KCTD3: variants seen among roughly 807,000 people sequenced by gnomAD.
KCTD3 encodes BTB/POZ domain-containing protein KCTD3.
KCTD3 carries 41 observed loss-of-function variants against 85.8 expected under a neutral mutation model. That is an observed-to-expected ratio of 0.48 (90% CI 0.37 to 0.62). KCTD3 has a LOEUF of 0.62. Among genes scored for constraint, KCTD3 ranks in the 20% least tolerant of loss-of-function variants. KCTD3 has a pLI of 0.00. For missense variants in KCTD3, 724 were observed against 989.9 expected (o/e 0.73, Z 3.60); for synonymous variants, 338 against 345.4 (o/e 0.98, Z 0.24).
At chr1:215,612,038 G>A in intron 15 of KCTD3, 117 bp downstream of exon 15, 1 of 666,096 alleles carries the variant, frequency 1.5e-6, no homozygotes, top group Non-Finnish European at 2.7e-6. Context: ...TGTTGGGACA[G>A]AAGTCTGTTA....
intron 1 of KCTD3, among the ~76,000 whole-genome samples, chr1:215,570,307 A>G (rs1432455057): frequency 3.3e-5 from 5 of 151,696 alleles, no homozygotes; most frequent in Admixed American, 3.3e-4. Flanking sequence ...ACTAATTTTT[A>G]TGGTTTAATA....
intron 9 of KCTD3, among the ~76,000 whole-genome samples, chr1:215,589,791 G>A (rs1288457083): frequency 6.6e-6 from 1 of 152,106 alleles, no homozygotes; most frequent in Non-Finnish European, 1.5e-5. Context: ...TTTTATTGCT[G>A]AGTAGTATTC....
chr1:215,580,683 C>T (rs923683798), intron 8 of KCTD3, among the ~76,000 whole-genome samples: 2 of 151,652 alleles, frequency 1.3e-5, no homozygotes, highest in African/African-American at 4.8e-5. Flanking sequence ...TTGGAATATA[C>T]TAGCTTAGAT....
chr1:215,600,134 A>G (rs1170653019), intron 10 of KCTD3, among the ~76,000 whole-genome samples: 1 of 152,184 alleles, frequency 6.6e-6, no homozygotes, highest in African/African-American at 2.4e-5. Context: ...TTTTCCTGGT[A>G]TAAAATGTTT....
chr1:215,618,625 A>C (rs111382480), intron 15 of KCTD3: 1 of 305,798 alleles, frequency 3.3e-6, no homozygotes, highest in South Asian at 8.5e-5. Context: ...TTTTATGAAA[A>C]TCAACTAAAA....
chr1:215,583,993 CTAAA>C (rs1179140892), intron 8 of KCTD3, among the ~76,000 whole-genome samples: 29 of 152,274 alleles, frequency 1.9e-4, no homozygotes, highest in Admixed American at 9.8e-4. Flanking sequence ...CCCAAGTAAA[CTAAA>C]TAAGAAGGCT....
At chr1:215,595,503 T>G in intron 10 of KCTD3, 32 bp downstream of exon 10, 1 of 1,277,942 alleles carries the variant, frequency 7.8e-7, no homozygotes, top group Non-Finnish European at 1.1e-6. Context: ...GAAGTGAAAA[T>G]ATTTCTGAAA....
intron 9 of KCTD3, among the ~76,000 whole-genome samples, chr1:215,591,303 C>G (rs973628354): frequency 7.2e-6 from 1 of 138,772 alleles, no homozygotes; most frequent in Non-Finnish European, 1.6e-5. Context: ...TCCTTCCTTC[C>G]TTCCTTCCTT....
rs150444410 is a variant in KCTD3 at position 215,614,146 on chromosome 1, C to T, written c.1562+2225C>T. Among the ~76,000 whole-genome samples the T allele has an allele frequency of 8.6e-4, 128 of 149,154 alleles. 1 individual carries two copies. The South Asian group carries it at 0.01, about 12-fold the overall frequency. On this transcript the variant is annotated intron_variant, in intron 15 of 17. Coordinates refer to ENST00000259154, the MANE Select transcript of KCTD3 (RefSeq NM_016121.5). The stretch of plus-strand genomic sequence containing the variant: ...CTCCCGGGTTCACACTATTCTCCTG[C>T]GTCAGTTCCTGAGTAGCTGGGATTA...
At position 215,614,719 on chromosome 1, in the gene KCTD3, CAG is replaced by C. The variant is rs1317225149; in HGVS notation, c.1562+2802_1562+2803del. On this transcript the variant is annotated intron_variant, in intron 15 of 17. Transcript: ENST00000259154. ...GTTTATTAGATGTAGGAGCCTTTGG[CAG>C]AGACTGTGGGGTTTTCTAGGTATAG... 5.9e-5 allele frequency among the ~76,000 whole-genome samples: 9 copies of C among 152,228 alleles called. No individual in the cohort carries two copies. The South Asian group carries it at 1.2e-3, about 21-fold the overall frequency.
rs1371491253 is a variant in KCTD3 at position 215,567,553 on chromosome 1, G to A, written c.-133G>A. 2.7e-6 allele frequency: 1 copy of A among 368,690 alleles called. No homozygotes were observed. Among genetic ancestry groups the A allele is most frequent in the Non-Finnish European group, 4.5e-6 (1 of 223,252 alleles). 22.8% of individuals were successfully genotyped at this position (368,690 alleles called of 1,614,324 possible). On this transcript the variant is annotated 5_prime_UTR_variant, in exon 1 of 18. The change creates a new upstream start codon in the 5' untranslated region. Coordinates refer to ENST00000259154, the MANE Select transcript of KCTD3 (RefSeq NM_016121.5). Reference sequence around the variant, plus strand: ...CCGCCGGGAAGGTGGGGGAAGCCCCGTGCACCCCCCGCCCTCCGGCCGCCG... The same window carrying A: ...CCGCCGGGAAGGTGGGGGAAGCCCCATGCACCCCCCGCCCTCCGGCCGCCG...
intron 8 of KCTD3, among the ~76,000 whole-genome samples, chr1:215,580,706 T>G (rs1659784201): frequency 6.6e-6 from 1 of 152,178 alleles, no homozygotes; most frequent in Non-Finnish European, 1.5e-5. Context: ...TTATTTCATT[T>G]AATTGCAGAA....
intron 7 of KCTD3, among the ~76,000 whole-genome samples, chr1:215,579,665 A>G (rs1291827045): frequency 1.3e-5 from 2 of 151,876 alleles, no homozygotes; most frequent in African/African-American, 4.8e-5. Context: ...TGCCAGACTA[A>G]TTTTTTGTAT....
At chr1:215,593,839 G>T (rs1411729396) in intron 9 of KCTD3, among the ~76,000 whole-genome samples, 1 of 149,892 alleles carries the variant, frequency 6.7e-6, no homozygotes, top group Non-Finnish European at 1.5e-5. Flanking sequence ...CTATTTAAGT[G>T]CTAGAATTGG....
intron 17 of KCTD3, among the ~76,000 whole-genome samples, chr1:215,619,668 C>T (rs1248695902): frequency 6.6e-6 from 1 of 152,100 alleles, no homozygotes; most frequent in African/African-American, 2.4e-5. Flanking sequence ...TCTAGTCTTA[C>T]ATTTAAGCAT....
chr1:215,596,150 A>G (rs1474846449), intron 10 of KCTD3, among the ~76,000 whole-genome samples: 1 of 152,210 alleles, frequency 6.6e-6, no homozygotes, highest in Non-Finnish European at 1.5e-5. Flanking sequence ...GATGTGAGAA[A>G]TTAAAGGAAG....
chr1:215,574,273 A>G (rs1659486350), intron 3 of KCTD3, among the ~76,000 whole-genome samples, 155 bp downstream of exon 3: 1 of 152,166 alleles, frequency 6.6e-6, no homozygotes, highest in African/African-American at 2.4e-5. Flanking sequence ...GTAGTTTTTT[A>G]TAATCAGAGA....
chr1:215,578,074 C>T lies in KCTD3; in HGVS notation c.390C>T (p.Pro130=), dbSNP rs763895825. The part of the protein sequence containing the change: ...CGSVLFHGYL[P]PPGIPSRKIN... ...GTGTCCTTTTTCATGGTTACTTGCC[C>T]CCACCAGGTATTTTCACTTTATTAA... The change falls in exon 6 of 18, where the codon CCC becomes CCT. Residue 130 remains proline (P), a synonymous_variant. Coordinates refer to ENST00000259154, the MANE Select transcript of KCTD3 (RefSeq NM_016121.5). The T allele has an allele frequency of 3.1e-6, 5 of 1,609,784 alleles. No individual in the cohort carries two copies. The South Asian group carries it at 5.6e-5, about 18-fold the overall frequency.
chr1:215,610,180 A>G (rs1655173508), intron 14 of KCTD3, among the ~76,000 whole-genome samples: 5 of 151,864 alleles, frequency 3.3e-5, no homozygotes, highest in Admixed American at 3.3e-4. Context: ...TAAAGGTGAA[A>G]TCTACATTGT....
Sources: allele counts gnomAD v4.1 joint callset (sites outside exome capture counted in the v4.1 genomes callset), GRCh38; gene constraint gnomAD v4.1.1; transcripts MANE v1.5; gene names NCBI Gene and HGNC (gene_info 2026-07-23, HGNC 2026-07-21).